Variants in PPM1E observed in about 807,000 individuals in gnomAD.
PPM1E encodes the protein protein phosphatase 1E.
A neutral mutation model predicts 65.9 loss-of-function variants in PPM1E; 20 were observed. The observed-to-expected ratio is 0.30, with a 90% CI of 0.21 to 0.44. PPM1E has a LOEUF of 0.44. PPM1E is among the 20% of genes least tolerant of loss of function. The probability of loss-of-function intolerance (pLI) is 1.00; values close to 1 mark genes in which losing one functional copy is unlikely to be tolerated. For synonymous variants in PPM1E, 352 were observed against 374.9 expected (o/e 0.94, Z 0.70); for missense variants, 713 against 953.1 (o/e 0.75, Z 3.32).
At position 58,980,251 on chromosome 17, in the gene PPM1E, T is replaced by G; in HGVS notation, c.1488T>G (p.Asn496Lys). The part of the protein sequence containing the change: ...VFLRDMNKAV[N>K]VSEESDWTEN... Reference sequence around the variant, plus strand: ...TGAGGGACATGAACAAAGCTGTAAATGTTAGTGAGGAATCAGATTGGACAG... The same window carrying G: ...TGAGGGACATGAACAAAGCTGTAAAGGTTAGTGAGGAATCAGATTGGACAG... Residue 496 changes from asparagine (N) to lysine (K), a missense_variant, in exon 7 of 7, where the codon AAT becomes AAG. This residue lies in a region of PPM1E where 286 missense variants were observed against 313.8 expected (regional missense o/e 0.91). Coordinates refer to ENST00000308249, the MANE Select transcript of PPM1E (RefSeq NM_014906.5). The surrounding 1 kb of genome is among the most constrained non-coding windows in gnomAD (Gnocchi z 4.7). 1 of 1,614,030 alleles carries G rather than the reference T, an allele frequency of 6.2e-7. No individual in the cohort carries two copies. Among genetic ancestry groups the G allele is most frequent in the Non-Finnish European group, 8.5e-7 (1 of 1,179,984 alleles).
At chr17:58,910,230 T>C (rs532348451) in intron 1 of PPM1E, among the ~76,000 whole-genome samples, 65 of 152,266 alleles carry the variant, frequency 4.3e-4, no homozygotes, top group Middle Eastern at 3.4e-3. Flanking sequence ...GAGGTTTCTA[T>C]TGTATATCCT....
At position 58,971,093 on chromosome 17, in the gene PPM1E, C is replaced by G. The variant is rs181589001; in HGVS notation, c.973-1039C>G. On this transcript the variant is annotated intron_variant, in intron 4 of 6. Coordinates refer to ENST00000308249, the MANE Select transcript of PPM1E (RefSeq NM_014906.5). ...TTGTCTCAGCGCCCCTTTTCTCCTT[C>G]TTATGCTTCCATGTGCTGCTAACTG... is the stretch of plus-strand genomic sequence containing the variant. Among the ~76,000 whole-genome samples, 398 of 152,186 alleles carry G rather than the reference C, an allele frequency of 2.6e-3. 1 individual carries two copies. The highest frequency in any genetic ancestry group is 3.6e-3 in the Non-Finnish European group (246 of 68,014).
At chr17:58,934,400 C>T (rs2051948188) in intron 1 of PPM1E, among the ~76,000 whole-genome samples, 1 of 152,144 alleles carries the variant, frequency 6.6e-6, no homozygotes, top group African/African-American at 2.4e-5. Context: ...GATTATGTTA[C>T]ATGGTACACT....
intron 1 of PPM1E, among the ~76,000 whole-genome samples, chr17:58,883,385 C>G (rs1001388191): frequency 4.0e-5 from 6 of 150,688 alleles, no homozygotes; most frequent in Non-Finnish European, 7.4e-5. Flanking sequence ...GGCATAGTTT[C>G]TTTCTACCAG....
chr17:58,807,177 A>C (rs2050324109), intron 1 of PPM1E, among the ~76,000 whole-genome samples: 1 of 152,132 alleles, frequency 6.6e-6, no homozygotes, highest in South Asian at 2.1e-4. Flanking sequence ...TATTCTCTTT[A>C]CTTTTGTGCA....
chr17:58,760,782 G>A (rs1598553452), intron 1 of PPM1E, among the ~76,000 whole-genome samples: 2 of 152,078 alleles, frequency 1.3e-5, no homozygotes, highest in African/African-American at 2.4e-5. Flanking sequence ...CAAGTTTGGG[G>A]GTTTCCCCAA....
At chr17:58,786,098 T>TCCGCCTCCCGGGTTCACGCC (rs966519095) in intron 1 of PPM1E, among the ~76,000 whole-genome samples, 1 of 150,396 alleles carries the variant, frequency 6.6e-6, no homozygotes, top group Non-Finnish European at 1.5e-5. Context: ...CACTTCAAGC[T>TCCGCCTCCCGGGTTCACGCC]CCGCCTCCCG....
intron 1 of PPM1E, among the ~76,000 whole-genome samples, chr17:58,864,926 AC>A (rs2050983760): frequency 6.6e-6 from 1 of 151,834 alleles, no homozygotes; most frequent in Non-Finnish European, 1.5e-5. Context: ...ACAGAGCAAA[AC>A]TCCATCTCGA....
intron 1 of PPM1E, among the ~76,000 whole-genome samples, chr17:58,775,578 T>C (rs1241064042): frequency 6.6e-6 from 1 of 152,140 alleles, no homozygotes; most frequent in Non-Finnish European, 1.5e-5. Flanking sequence ...TTTAATGCTA[T>C]TCTTACTTTT....
chr17:58,983,116 G>T lies in PPM1E; in HGVS notation c.*2085G>T. The stretch of plus-strand genomic sequence containing the variant: ...TTCTCAGTGGGGAAAAAAATGGCTG[G>T]ATAGAACTGGGACAAACACAGACCC... On this transcript the variant is annotated 3_prime_UTR_variant, in exon 7 of 7. Coordinates refer to ENST00000308249, the MANE Select transcript of PPM1E (RefSeq NM_014906.5). 1 of 555,908 alleles carries T rather than the reference G, an allele frequency of 1.8e-6. No individual in the cohort carries two copies. Among genetic ancestry groups the T allele is most frequent in the Non-Finnish European group, 3.2e-6 (1 of 315,478 alleles). The allele number at this position is 555,908 out of a possible 1,614,324, so 34.4% of individuals were successfully genotyped here.
Position 58,765,507 on chromosome 17 carries a change from G to A in PPM1E, c.464+9046G>A, listed in dbSNP as rs116807821. On this transcript the variant is annotated intron_variant, in intron 1 of 6. Transcript: ENST00000308249. ...CATGGATTTAAAACAGTATCCTCAT[G>A]TGAATTATTTGAGAATATTGTGAAC... Among the ~76,000 whole-genome samples the A allele has an allele frequency of 9.0e-3, 1,371 of 152,080 alleles. 18 individuals carry two copies. Among genetic ancestry groups the A allele is most frequent in the African/African-American group, 0.031 (1,285 of 41,510 alleles).
intron 1 of PPM1E, among the ~76,000 whole-genome samples, chr17:58,935,613 A>G (rs2051969426): frequency 1.3e-5 from 2 of 152,306 alleles, no homozygotes; most frequent in South Asian, 4.2e-4. Flanking sequence ...GACAAGAAAG[A>G]TAGTTACCAC....
At chr17:58,858,913 CCAGA>C (rs1446890863) in intron 1 of PPM1E, among the ~76,000 whole-genome samples, 3 of 152,176 alleles carry the variant, frequency 2.0e-5, no homozygotes, top group Non-Finnish European at 1.5e-5. Flanking sequence ...ATATTGTTCT[CCAGA>C]TTGGCTGAAA....
At chr17:58,803,518 G>A in intron 1 of PPM1E, among the ~76,000 whole-genome samples, 1 of 152,046 alleles carries the variant, frequency 6.6e-6, no homozygotes, top group Non-Finnish European at 1.5e-5. Flanking sequence ...TGTTCATCAG[G>A]GATATTGGCA....
intron 1 of PPM1E, among the ~76,000 whole-genome samples, chr17:58,917,721 A>C (rs2051701300): frequency 6.6e-6 from 1 of 152,220 alleles, no homozygotes; most frequent in South Asian, 2.1e-4. Flanking sequence ...CATTATTAGA[A>C]TAGTACATAC....
At chr17:58,850,972 A>G (rs2050820689) in intron 1 of PPM1E, among the ~76,000 whole-genome samples, 1 of 151,898 alleles carries the variant, frequency 6.6e-6, no homozygotes, top group South Asian at 2.1e-4. Flanking sequence ...GGCTTTGTTC[A>G]TTTCTTTTTA....
chr17:58,871,106 C>A (rs1480773517), intron 1 of PPM1E, among the ~76,000 whole-genome samples: 3 of 152,152 alleles, frequency 2.0e-5, no homozygotes, highest in South Asian at 2.1e-4. Context: ...GTGATTACAG[C>A]TCACTGCAGC....
intron 4 of PPM1E, 42 bp from the exon 5 acceptor site, chr17:58,972,090 A>C: frequency 6.3e-7 from 1 of 1,578,164 alleles, no homozygotes; most frequent in Non-Finnish European, 8.7e-7. Context: ...TGTAGTATCT[A>C]TTTCTTTTCA....
At chr17:58,855,258 A>C (rs1438198250) in intron 1 of PPM1E, among the ~76,000 whole-genome samples, 1 of 152,194 alleles carries the variant, frequency 6.6e-6, no homozygotes, top group Non-Finnish European at 1.5e-5. Context: ...AATAGGATCT[A>C]ACCTGCTAGG....
Sources: gnomAD v4.1 joint callset for allele counts (sites outside exome capture counted in the v4.1 genomes callset) on GRCh38, gnomAD v4.1.1 for gene constraint, gnomAD v4.1.1 regional missense constraint, Gnocchi (gnomAD v3.1) non-coding constraint, MANE v1.5 for transcripts, NCBI Gene and HGNC (gene_info 2026-07-23, HGNC 2026-07-21) for gene names.